OLFM3: variants seen among roughly 807,000 people sequenced by gnomAD.
The protein encoded by OLFM3 is noelin-3.
A neutral mutation model predicts 48.6 loss-of-function variants in OLFM3; 20 were observed. The observed-to-expected ratio is 0.41, with a 90% CI of 0.29 to 0.60. The LOEUF is 0.60. Among genes scored for constraint, OLFM3 ranks in the 20% least tolerant of loss-of-function variants. The probability of loss-of-function intolerance (pLI) is 0.28; values close to 1 mark genes in which losing one functional copy is unlikely to be tolerated. For synonymous variants in OLFM3, 222 were observed against 198.1 expected (o/e 1.12, Z -1.01); for missense variants, 437 against 544.3 (o/e 0.80, Z 1.96).
intron 4 of OLFM3, among the ~76,000 whole-genome samples, chr1:101,813,754 C>T (rs1654192859): frequency 6.6e-6 from 1 of 152,144 alleles, no homozygotes; most frequent in South Asian, 2.1e-4. Flanking sequence ...CAGGCTTTGT[C>T]TTCCTGCTAT....
chr1:101,858,193 A>C lies in OLFM3; in HGVS notation c.70-21168T>G, dbSNP rs529596615. Among the ~76,000 whole-genome samples the C allele has an allele frequency of 4.5e-3, 687 of 152,192 alleles. 12 individuals are homozygous for C. The highest frequency in any genetic ancestry group is 0.016 in the African/African-American group (650 of 41,456). On this transcript the variant is annotated intron_variant, in intron 1 of 5. Coordinates refer to ENST00000370103, the MANE Select transcript of OLFM3 (RefSeq NM_058170.4). Reference sequence around the variant, plus strand: ...TTTTCTCTCATATATTTTCCCTTTCAATAATATGTGTACTAATATCTATTA... The same window carrying C: ...TTTTCTCTCATATATTTTCCCTTTCCATAATATGTGTACTAATATCTATTA...
intron 1 of OLFM3, among the ~76,000 whole-genome samples, chr1:101,952,836 CA>C (rs1306925857): frequency 1.3e-5 from 2 of 152,014 alleles, no homozygotes; most frequent in African/African-American, 4.8e-5. Flanking sequence ...AATTAAAAAT[CA>C]AAAGGACTCT....
chr1:101,893,447 G>A (rs1658080065), intron 1 of OLFM3: 3 of 273,068 alleles, frequency 1.1e-5, no homozygotes, highest in Admixed American at 4.0e-5. Flanking sequence ...GGGAGAAGAC[G>A]ATTCTAGAAA....
At position 101,846,890 on chromosome 1, in the gene OLFM3, G is replaced by A. The variant is rs752372594; in HGVS notation, c.70-9865C>T. On this transcript the variant is annotated intron_variant, in intron 1 of 5. Coordinates refer to ENST00000370103, the MANE Select transcript of OLFM3 (RefSeq NM_058170.4). ...GCCTCGTGGTGTTCAGTCCCACCAAGGATGGGAGAGTTTGGGACATCCAGT... is the reference window on the plus strand; with the variant it reads ...GCCTCGTGGTGTTCAGTCCCACCAAAGATGGGAGAGTTTGGGACATCCAGT... 2.2e-5 allele frequency: 36 copies of A among 1,612,608 alleles called. No individual in the cohort carries two copies. The Admixed American group carries it at 3.0e-4, about 13-fold the overall frequency.
intron 1 of OLFM3, among the ~76,000 whole-genome samples, chr1:101,993,953 G>GA (rs11394644): frequency 0.27 from 31,616 of 115,222 alleles, 3,884 homozygotes; most frequent in East Asian, 0.55. Flanking sequence ...TTCAGCGACA[G>GA]AAAAAAAAAA....
At chr1:101,889,349 G>A (rs1405807306) in intron 1 of OLFM3, among the ~76,000 whole-genome samples, 1 of 152,130 alleles carries the variant, frequency 6.6e-6, no homozygotes, top group African/African-American at 2.4e-5. Flanking sequence ...CATGTCCTTT[G>A]TAGGGACATG....
intron 1 of OLFM3, among the ~76,000 whole-genome samples, chr1:101,922,623 A>G (rs1659132557): frequency 6.6e-6 from 1 of 152,116 alleles, no homozygotes; most frequent in African/African-American, 2.4e-5. Context: ...AATTATTCCT[A>G]TGAATACCCG....
In OLFM3 at chr1:101,841,805, G is replaced by A. The variant is rs2100933196; in HGVS notation, c.70-4780C>T. Reference sequence around the variant, plus strand: ...GGGTATTTCATAAAAAGGACAAAAAGGGATATAGCTACTGAAAGTGTTGTA... The same window carrying A: ...GGGTATTTCATAAAAAGGACAAAAAAGGATATAGCTACTGAAAGTGTTGTA... On this transcript the variant is annotated intron_variant, in intron 1 of 5. Coordinates refer to ENST00000370103, the MANE Select transcript of OLFM3 (RefSeq NM_058170.4). Among the ~76,000 whole-genome samples the A allele has an allele frequency of 2.0e-5, 3 of 152,294 alleles. No homozygotes were observed. In the Middle Eastern group the frequency reaches 0.01, roughly 518 times the overall value.
intron 3 of OLFM3, 29 bp downstream of exon 3, chr1:101,830,643 A>G (rs1216826237): frequency 6.2e-7 from 1 of 1,613,488 alleles, no homozygotes; most frequent in Non-Finnish European, 8.5e-7. Context: ...TCTGATTTGG[A>G]TTGACAAGAT....
At chr1:101,896,084 A>C (rs1658191675) in intron 1 of OLFM3, among the ~76,000 whole-genome samples, 1 of 151,984 alleles carries the variant, frequency 6.6e-6, no homozygotes, top group Non-Finnish European at 1.5e-5. Flanking sequence ...ATAATTTATA[A>C]AGATTAGGAA....
chr1:101,990,567 T>G (rs1661370081), intron 1 of OLFM3, among the ~76,000 whole-genome samples: 2 of 152,226 alleles, frequency 1.3e-5, no homozygotes, highest in Admixed American at 6.5e-5. Flanking sequence ...GGAAAAGTTG[T>G]ACTGTTAGAG....
At chr1:101,819,664 A>G (rs942715636) in intron 4 of OLFM3, among the ~76,000 whole-genome samples, 4 of 151,924 alleles carry the variant, frequency 2.6e-5, no homozygotes, top group African/African-American at 9.7e-5. Flanking sequence ...AATTGGGTGG[A>G]TGGTGGTTCT....
chr1:101,937,975 T>C (rs1413284563), intron 1 of OLFM3, among the ~76,000 whole-genome samples: 2 of 152,212 alleles, frequency 1.3e-5, no homozygotes, highest in Non-Finnish European at 2.9e-5. Flanking sequence ...GCTCTATTTA[T>C]TGCTTTCCCT....
At chr1:101,846,962 T>A (rs1488994089) in intron 1 of OLFM3, 1 of 1,611,836 alleles carries the variant, frequency 6.2e-7, no homozygotes, top group Admixed American at 1.7e-5. Context: ...GCTTCAGCAG[T>A]GGAGGACTCA....
intron 1 of OLFM3, among the ~76,000 whole-genome samples, chr1:101,971,850 T>A (rs1660814274): frequency 6.6e-6 from 1 of 152,030 alleles, no homozygotes; most frequent in Admixed American, 6.6e-5. Flanking sequence ...GTAGTTTATG[T>A]CCCAGTAGGT....
chr1:101,873,742 A>T (rs907445841), intron 1 of OLFM3, among the ~76,000 whole-genome samples: 1 of 151,828 alleles, frequency 6.6e-6, no homozygotes, highest in Non-Finnish European at 1.5e-5. Flanking sequence ...TTTCTAGCTT[A>T]GTCAAGTTAC....
chr1:101,959,890 TTAAA>T (rs537041246), intron 1 of OLFM3, among the ~76,000 whole-genome samples: 319 of 152,250 alleles, frequency 2.1e-3, no homozygotes, highest in Non-Finnish European at 3.2e-3. Context: ...GGCAAATGGA[TTAAA>T]TATTTTCTTT....
At chr1:101,986,736 T>C (rs1408953822) in intron 1 of OLFM3, among the ~76,000 whole-genome samples, 1 of 151,992 alleles carries the variant, frequency 6.6e-6, no homozygotes, top group Admixed American at 6.5e-5. Context: ...GCCTTTTCCT[T>C]TCTTCTATTT....
At chr1:101,911,219 T>TG (rs1198379677) in intron 1 of OLFM3, among the ~76,000 whole-genome samples, 2 of 152,038 alleles carry the variant, frequency 1.3e-5, no homozygotes, top group African/African-American at 4.8e-5. Flanking sequence ...AAGATAAATA[T>TG]GGTTATATTT....
Sources: allele counts gnomAD v4.1 joint callset (sites outside exome capture counted in the v4.1 genomes callset), GRCh38; gene constraint gnomAD v4.1.1; transcripts MANE v1.5; gene names NCBI Gene and HGNC (gene_info 2026-07-23, HGNC 2026-07-21).